Variants in SHMT1 observed in about 807,000 individuals in gnomAD.
SHMT1 encodes serine hydroxymethyltransferase 1.
Under a neutral mutation model 49.0 loss-of-function variants are expected in SHMT1, and 45 were observed. The ratio of observed to expected loss-of-function variants is 0.92; its 90% CI spans 0.72 to 1.18. The LOEUF (loss-of-function observed/expected upper bound fraction) is 1.18, where lower values mean the gene tolerates loss of function less well. SHMT1 is among the 50% of genes most tolerant of loss of function. The pLI is 0.00. For missense variants in SHMT1, 541 were observed against 612.4 expected, an observed-to-expected ratio of 0.88 and a Z score of 1.23; for synonymous variants, 232 against 246.6, an observed-to-expected ratio of 0.94 and a Z score of 0.55.
intron 5 of SHMT1, among the ~76,000 whole-genome samples, chr17:18,343,792 C>T (rs1011496136): frequency 4.6e-5 from 7 of 150,682 alleles, no homozygotes; most frequent in East Asian, 2.0e-4. Flanking sequence ...TGGTGGCATG[C>T]GCCTCTAGTC....
intron 9 of SHMT1, chr17:18,330,974 GC>G: frequency 2.4e-6 from 1 of 419,254 alleles, no homozygotes; most frequent in Non-Finnish European, 4.5e-6. Flanking sequence ...AGTTGCTTGG[GC>G]AATTCCCTAA....
chr17:18,339,565 CT>C (rs796296886), intron 7 of SHMT1, among the ~76,000 whole-genome samples: 4,740 of 145,650 alleles, frequency 0.033, 211 homozygotes, highest in African/African-American at 0.096. Flanking sequence ...TTCTTTCTTT[CT>C]TTTTTTTTTT....
At chr17:18,361,309 A>AAC (rs1986744561) in intron 1 of SHMT1, among the ~76,000 whole-genome samples, 1 of 149,702 alleles carries the variant, frequency 6.7e-6, no homozygotes, top group African/African-American at 2.5e-5. Context: ...AAAAAAAAAA[A>AAC]AAAAAACAAA....
In SHMT1 at chr17:18,335,677, T is replaced by A. The variant is rs748622902; in HGVS notation, c.815-2A>T. 143 of 1,603,724 alleles carry A rather than the reference T, an allele frequency of 8.9e-5. No individual in the cohort carries two copies. The highest frequency in any genetic ancestry group is 1.2e-4 in the Non-Finnish European group (136 of 1,170,602). Reference sequence around the variant, plus strand: ...TCTTGGGATCCACACTTTTCACTCCTGGAGGAAGAAAAACATCACAGTGGG... The same window carrying A: ...TCTTGGGATCCACACTTTTCACTCCAGGAGGAAGAAAAACATCACAGTGGG... On this transcript the variant is annotated splice_acceptor_variant, in intron 7 of 11. Coordinates refer to ENST00000316694, the MANE Select transcript of SHMT1 (RefSeq NM_004169.5). LOFTEE classifies it high-confidence loss of function.
Position 18,340,122 on chromosome 17 carries a change from A to G in SHMT1, c.735T>C (p.Phe245=), listed in dbSNP as rs1380621493. ...TGGTGGTCACCACATGGCAGTGTTC[A>G]AATGGGGAGGGCACCACGCCAGCCG... ...LVAAGVVPSP[F]EHCHVVTTTT... Residue 245 remains phenylalanine (F), a synonymous_variant, in exon 7 of 12, where the codon TTT becomes TTC. Coordinates refer to ENST00000316694, the MANE Select transcript of SHMT1 (RefSeq NM_004169.5). The surrounding 1 kb of genome is among the most constrained non-coding windows in gnomAD (Gnocchi z 4.5). The G allele has an allele frequency of 6.2e-7, 1 of 1,614,058 alleles. No homozygotes were observed. The highest frequency in any genetic ancestry group is 8.5e-7 in the Non-Finnish European group (1 of 1,180,054).
intron 7 of SHMT1, among the ~76,000 whole-genome samples, chr17:18,338,180 C>T (rs1037606096): frequency 5.3e-5 from 8 of 151,120 alleles, no homozygotes; most frequent in African/African-American, 7.3e-5. Flanking sequence ...GCCTCTGCCC[C>T]GCCGCCCCGT....
rs1388976491 is a variant in SHMT1 at position 18,347,774 on chromosome 17, C to T, written c.359-118G>A. 4 of 1,103,832 alleles carry T rather than the reference C, an allele frequency of 3.6e-6. No homozygotes were observed. In the East Asian group the frequency reaches 1.0e-4, roughly 28 times the overall value. The allele number at this position is 1,103,832 out of a possible 1,614,324, so 68.4% of individuals were successfully genotyped here. On this transcript the variant is annotated intron_variant, in intron 4 of 11. Transcript: ENST00000316694. Reference sequence around the variant, plus strand: ...TGGCGAGAACAGGCCTTGTACCTTCCCTGAGCTCCAGGAGGTGCCCCTTCA... The same window carrying T: ...TGGCGAGAACAGGCCTTGTACCTTCTCTGAGCTCCAGGAGGTGCCCCTTCA...
At chr17:18,362,435 C>CTCA (rs1473254053) in intron 1 of SHMT1, among the ~76,000 whole-genome samples, 6 of 152,144 alleles carry the variant, frequency 3.9e-5, no homozygotes, top group African/African-American at 1.2e-4. Context: ...ATTCTCCTGC[C>CTCA]TCAGCCTTCC....
chr17:18,361,298 C>CAAAAAAA (rs57119291), intron 1 of SHMT1, among the ~76,000 whole-genome samples: 29 of 97,714 alleles, frequency 3.0e-4, no homozygotes, highest in Middle Eastern at 6.9e-3. Flanking sequence ...GACTCTGTCT[C>CAAAAAAA]AAAAAAAAAA....
intron 3 of SHMT1, among the ~76,000 whole-genome samples, chr17:18,349,499 G>A (rs1985453499): frequency 6.6e-6 from 1 of 151,924 alleles, no homozygotes; most frequent in South Asian, 2.1e-4. Context: ...TGGGAGAACT[G>A]CTTGAGGCCA....
Position 18,328,461 on chromosome 17 carries a change from T to C in SHMT1, c.*289A>G. ...CCCTACACCACCATCTAAATGATTA[T>C]GACCAAGTGGCGACATAGTATTTTA... On this transcript the variant is annotated 3_prime_UTR_variant, in exon 12 of 12. Coordinates refer to ENST00000316694, the MANE Select transcript of SHMT1 (RefSeq NM_004169.5). The C allele has an allele frequency of 4.5e-6, 2 of 442,554 alleles. No homozygotes were observed. The highest frequency in any genetic ancestry group is 2.2e-5 in the South Asian group (1 of 46,026). 27.4% of individuals were successfully genotyped at this position (442,554 alleles called of 1,614,324 possible). A position where few individuals can be genotyped will look rare whatever the true frequency, so the allele number is the denominator to read the frequency against.
At chr17:18,329,478 A>G (rs1982945095) in intron 10 of SHMT1, 90 bp from the exon 11 acceptor site, 1 of 1,030,786 alleles carries the variant, frequency 9.7e-7, no homozygotes, top group Non-Finnish European at 1.5e-6. Flanking sequence ...GCAAAAGAGA[A>G]CTGGCCTGAG....
chr17:18,338,082 G>A (rs1984030417), intron 7 of SHMT1, among the ~76,000 whole-genome samples: 1 of 151,168 alleles, frequency 6.6e-6, no homozygotes, highest in Non-Finnish European at 1.5e-5. Flanking sequence ...AGTCTGGGAA[G>A]TGAGGAGCGC....
intron 1 of SHMT1, among the ~76,000 whole-genome samples, chr17:18,359,685 C>T (rs1219409358): frequency 6.6e-6 from 1 of 151,128 alleles, no homozygotes; most frequent in Non-Finnish European, 1.5e-5. Context: ...CAGTGGTTCA[C>T]GCCTGTAATC....
chr17:18,356,002 TA>T lies in SHMT1; in HGVS notation c.-19-3del, dbSNP rs748444788. On this transcript the variant is annotated splice_region_variant and splice_polypyrimidine_tract_variant and intron_variant, in intron 1 of 11. Coordinates refer to ENST00000316694, the MANE Select transcript of SHMT1 (RefSeq NM_004169.5). ...GTCATTGCACTGGTTCGAAGCTGCC[TA>T]AAAAAATGGGAAAAACATGTGTAGC... 7.2e-6 allele frequency: 11 copies of T among 1,518,202 alleles called. No individual in the cohort carries two copies. Among genetic ancestry groups the T allele is most frequent in the South Asian group, 2.3e-5 (2 of 88,334 alleles). 94.0% of individuals were successfully genotyped at this position (1,518,202 alleles called of 1,614,324 possible). A position where few individuals can be genotyped will look rare whatever the true frequency, so the allele number is the denominator to read the frequency against.
intron 7 of SHMT1, among the ~76,000 whole-genome samples, chr17:18,337,858 T>G (rs1226106258): frequency 6.6e-6 from 1 of 152,026 alleles, no homozygotes; most frequent in African/African-American, 2.4e-5. Flanking sequence ...GCAGACGGAG[T>G]CTCGTTCACT....
chr17:18,338,037 T>C (rs960539031), intron 7 of SHMT1, among the ~76,000 whole-genome samples: 2 of 148,020 alleles, frequency 1.4e-5, no homozygotes, highest in Non-Finnish European at 3.0e-5. Context: ...CCGCTCATCA[T>C]CTGGGATGTG....
intron 3 of SHMT1, among the ~76,000 whole-genome samples, chr17:18,350,186 C>T (rs1202565248): frequency 1.3e-5 from 2 of 151,996 alleles, no homozygotes; most frequent in Non-Finnish European, 2.9e-5. Context: ...AAAAAATTAG[C>T]CGGGTGTGGT....
At chr17:18,347,830 G>A (rs1985254278) in intron 4 of SHMT1, among the ~76,000 whole-genome samples, 174 bp from the exon 5 acceptor site, 1 of 152,108 alleles carries the variant, frequency 6.6e-6, no homozygotes, top group Non-Finnish European at 1.5e-5. Flanking sequence ...AGTTCAGAGA[G>A]AGGGCACTGC....
Sources: allele counts gnomAD v4.1 joint callset (sites outside exome capture counted in the v4.1 genomes callset), GRCh38; gene constraint gnomAD v4.1.1; non-coding constraint Gnocchi (gnomAD v3.1); transcripts MANE v1.5; gene names NCBI Gene and HGNC (gene_info 2026-07-23, HGNC 2026-07-21).